CDH8: variants seen among roughly 807,000 people sequenced by gnomAD.
The protein encoded by CDH8 is cadherin 8.
CDH8 carries 17 observed loss-of-function variants against 68.1 expected under a neutral mutation model. The observed-to-expected ratio is 0.25, with a 90% CI of 0.17 to 0.37. The LOEUF is 0.37. Ranked by LOEUF, CDH8 falls within the 10% of genes least tolerant of loss-of-function variation. The pLI, the probability that CDH8 is intolerant of heterozygous loss-of-function variation, is 1.00. For synonymous variants in CDH8, 372 were observed against 365.1 expected (o/e 1.02, Z -0.21); for missense variants, 763 against 999.3 (o/e 0.76, Z 3.19).
intron 9 of CDH8, among the ~76,000 whole-genome samples, chr16:61,721,809 T>G (rs1959220572): frequency 6.6e-6 from 1 of 150,860 alleles, no homozygotes; most frequent in African/African-American, 2.4e-5. Flanking sequence ...AAGAGCAGAC[T>G]TTAAAATTCA....
At chr16:61,883,437 C>T (rs1011428534) in intron 3 of CDH8, among the ~76,000 whole-genome samples, 1 of 151,776 alleles carries the variant, frequency 6.6e-6, no homozygotes, top group Non-Finnish European at 1.5e-5. Flanking sequence ...CTTGGGGATA[C>T]GACTTAAGCA....
At chr16:61,812,224 T>C (rs1350090179) in intron 7 of CDH8, among the ~76,000 whole-genome samples, 2 of 152,200 alleles carry the variant, frequency 1.3e-5, no homozygotes, top group Admixed American at 1.3e-4. Context: ...TTAGATATCA[T>C]GAATCTAAAG....
At chr16:62,011,355 A>C (rs1194589783) in intron 2 of CDH8, among the ~76,000 whole-genome samples, 1 of 152,210 alleles carries the variant, frequency 6.6e-6, no homozygotes, top group Non-Finnish European at 1.5e-5. Context: ...ACACGCAGGC[A>C]GTTGCTTTTC....
Position 62,006,932 on chromosome 16 carries a change from G to A in CDH8, c.252+14220C>T, listed in dbSNP as rs137930869. Among the ~76,000 whole-genome samples, 52 of 145,356 alleles carry A rather than the reference G, an allele frequency of 3.6e-4. No individual in the cohort carries two copies. In the East Asian group the frequency reaches 0.01, roughly 28 times the overall value. ...TTTTTGTTTTTTTTTTTTTGAGACC[G>A]AGTCTCACTCTGTCGCCCAGGCTGG... On this transcript the variant is annotated intron_variant, in intron 2 of 11. Transcript: ENST00000577390.
intron 8 of CDH8, among the ~76,000 whole-genome samples, chr16:61,778,605 C>A (rs559840573): frequency 6.6e-6 from 1 of 152,260 alleles, no homozygotes; most frequent in Admixed American, 6.5e-5. Context: ...TACACTATGT[C>A]TCCATCATTT....
At chr16:61,734,557 C>T (rs929051351) in intron 8 of CDH8, among the ~76,000 whole-genome samples, 6 of 152,070 alleles carry the variant, frequency 3.9e-5, no homozygotes, top group Non-Finnish European at 8.8e-5. Context: ...CTTAGACCAT[C>T]CTTCTTTCAA....
At chr16:61,924,361 C>T (rs568718849) in intron 2 of CDH8, among the ~76,000 whole-genome samples, 62 of 152,250 alleles carry the variant, frequency 4.1e-4, no homozygotes, top group African/African-American at 1.4e-3. Context: ...TGTGCACAGC[C>T]TATAGGTTCT....
At chr16:61,999,978 C>G (rs1047523580) in intron 2 of CDH8, among the ~76,000 whole-genome samples, 1 of 151,804 alleles carries the variant, frequency 6.6e-6, no homozygotes. Flanking sequence ...CGACCCCTGG[C>G]AGACCCCAGT....
intron 3 of CDH8, among the ~76,000 whole-genome samples, chr16:61,864,128 C>T (rs775324660): frequency 2.6e-5 from 4 of 152,176 alleles, no homozygotes; most frequent in Non-Finnish European, 5.9e-5. Context: ...AATTATTCCT[C>T]ACTAGAAGTA....
At chr16:61,798,611 A>G (rs2142996358) in intron 7 of CDH8, among the ~76,000 whole-genome samples, 1 of 152,326 alleles carries the variant, frequency 6.6e-6, no homozygotes, top group East Asian at 1.9e-4. Context: ...GGTAGAAATC[A>G]TCTTGGCAGC....
intron 10 of CDH8, among the ~76,000 whole-genome samples, chr16:61,712,799 C>T (rs995080586): frequency 1.3e-5 from 2 of 151,550 alleles, no homozygotes; most frequent in Non-Finnish European, 3.0e-5. Flanking sequence ...TTTATCAAAG[C>T]GTCCCCACAG....
chr16:61,898,925 C>T (rs1469283967), intron 3 of CDH8, among the ~76,000 whole-genome samples: 1 of 151,432 alleles, frequency 6.6e-6, no homozygotes, highest in Non-Finnish European at 1.5e-5. Flanking sequence ...TTTTTTTCTA[C>T]CCAAAAGTGA....
rs148215659 is a variant in CDH8 at position 61,717,999 on chromosome 16, G to T, written c.1537-4041C>A. On this transcript the variant is annotated intron_variant, in intron 9 of 11. Transcript: ENST00000577390. Reference sequence around the variant, plus strand: ...TATATACACACATACATGTGTGTATGTACATGTGGGTGTATACGTATGTGT... The same window carrying T: ...TATATACACACATACATGTGTGTATTTACATGTGGGTGTATACGTATGTGT... Among the ~76,000 whole-genome samples the T allele has an allele frequency of 6.3e-4, 96 of 151,406 alleles. 1 individual carries two copies. Among genetic ancestry groups the T allele is most frequent in the African/African-American group, 2.1e-3 (89 of 41,408 alleles).
rs1321381200 is a variant in CDH8, at chr16:61,651,737, T to C, written c.*1871A>G. 1 of 152,252 alleles carries C rather than the reference T, an allele frequency of 6.6e-6. No individual in the cohort carries two copies. The highest frequency in any genetic ancestry group is 2.4e-5 in the African/African-American group (1 of 41,434). 9.4% of individuals were successfully genotyped at this position (152,252 alleles called of 1,614,324 possible). A position where few individuals can be genotyped will look rare whatever the true frequency, so the allele number is the denominator to read the frequency against. On this transcript the variant is annotated 3_prime_UTR_variant, in exon 12 of 12. Transcript: ENST00000577390. ...TAGGTCTGCAAACTTGTCTGAAGGT[T>C]TTCCCTGCCCAATGCGTCTGCTTCC...
At chr16:61,977,903 A>G (rs1193483243) in intron 2 of CDH8, among the ~76,000 whole-genome samples, 1 of 147,978 alleles carries the variant, frequency 6.8e-6, no homozygotes, top group Non-Finnish European at 1.5e-5. Flanking sequence ...ACTACTAAGC[A>G]TTCAGTACAT....
At chr16:61,894,601 T>C (rs1467997446) in intron 3 of CDH8, among the ~76,000 whole-genome samples, 3 of 152,138 alleles carry the variant, frequency 2.0e-5, no homozygotes, top group Non-Finnish European at 4.4e-5. Flanking sequence ...TTGCAATTTT[T>C]CTCTAAGATT....
intron 2 of CDH8, among the ~76,000 whole-genome samples, chr16:61,960,992 C>G (rs1965144176): frequency 6.6e-6 from 1 of 152,066 alleles, no homozygotes; most frequent in African/African-American, 2.4e-5. Context: ...TCACCCCGCC[C>G]CTTAAAGAAG....
At chr16:61,846,965 A>G (rs1597014565) in intron 4 of CDH8, among the ~76,000 whole-genome samples, 1 of 152,100 alleles carries the variant, frequency 6.6e-6, no homozygotes, top group Non-Finnish European at 1.5e-5. Flanking sequence ...CTGGTCCACT[A>G]TCAACAATCC....
intron 2 of CDH8, among the ~76,000 whole-genome samples, chr16:61,974,331 G>A (rs1396830076): frequency 6.6e-6 from 1 of 152,158 alleles, no homozygotes; most frequent in Admixed American, 6.5e-5. Context: ...ATGCAAATGG[G>A]AATGGGTACC....
Sources: allele counts gnomAD v4.1 joint callset (sites outside exome capture counted in the v4.1 genomes callset), GRCh38; gene constraint gnomAD v4.1.1; transcripts MANE v1.5; gene names NCBI Gene and HGNC (gene_info 2026-07-23, HGNC 2026-07-21).